Variants in FIGN observed in about 807,000 individuals in gnomAD.
FIGN encodes fidgetin.
A neutral mutation model predicts 51.3 loss-of-function variants in FIGN; 11 were observed. That is an observed-to-expected ratio of 0.21 (90% CI 0.13 to 0.35). The LOEUF (loss-of-function observed/expected upper bound fraction) is 0.35, where lower values mean the gene tolerates loss of function less well. Among genes scored for constraint, FIGN ranks in the 10% least tolerant of loss-of-function variants. The pLI is 1.00. For missense variants in FIGN, 857 were observed against 943.6 expected (o/e 0.91, Z 1.20); for synonymous variants, 407 against 363.2 (o/e 1.12, Z -1.37).
At chr2:163,652,898 A>C (rs1485692685) in intron 2 of FIGN, among the ~76,000 whole-genome samples, 1 of 152,166 alleles carries the variant, frequency 6.6e-6, no homozygotes, top group Non-Finnish European at 1.5e-5. Context: ...TGCATGCAGG[A>C]AATGACCAAT....
intron 1 of FIGN, 80 bp from the exon 2 acceptor site, chr2:163,735,152 A>G: frequency 1.9e-6 from 1 of 528,542 alleles, no homozygotes. Flanking sequence ...GAAAGGAAAA[A>G]AAGCACATGA....
chr2:163,701,855 A>T (rs2105351032), intron 2 of FIGN, among the ~76,000 whole-genome samples: 1 of 152,222 alleles, frequency 6.6e-6, no homozygotes, highest in Non-Finnish European at 1.5e-5. Flanking sequence ...ATTTCCTCAC[A>T]ATTCAGTATT....
intron 2 of FIGN, among the ~76,000 whole-genome samples, chr2:163,621,333 T>C (rs1003934924): frequency 1.2e-4 from 18 of 152,164 alleles, no homozygotes; most frequent in Admixed American, 7.2e-4. Context: ...AAATAGTGTC[T>C]TGGACTTCGA....
At chr2:163,673,877 G>A (rs1449808093) in intron 2 of FIGN, among the ~76,000 whole-genome samples, 2 of 152,024 alleles carry the variant, frequency 1.3e-5, no homozygotes, top group Non-Finnish European at 2.9e-5. Context: ...ATGTATTACA[G>A]GTAATATCTC....
At chr2:163,638,791 C>G (rs1210819179) in intron 2 of FIGN, among the ~76,000 whole-genome samples, 1 of 152,082 alleles carries the variant, frequency 6.6e-6, no homozygotes. Context: ...AATATTCATG[C>G]TTTTATCACT....
intron 2 of FIGN, among the ~76,000 whole-genome samples, chr2:163,702,686 A>T (rs1175900583): frequency 6.6e-6 from 1 of 152,190 alleles, no homozygotes; most frequent in Non-Finnish European, 1.5e-5. Context: ...AAAAGGAGTC[A>T]TTTAAATAAT....
chr2:163,719,497 C>T (rs779344936), intron 2 of FIGN, among the ~76,000 whole-genome samples: 6 of 152,134 alleles, frequency 3.9e-5, no homozygotes, highest in Non-Finnish European at 7.3e-5. Context: ...TGTGTGCCTG[C>T]GTTGTCCAAA....
chr2:163,664,177 A>G (rs2105329345), intron 2 of FIGN, among the ~76,000 whole-genome samples: 1 of 152,294 alleles, frequency 6.6e-6, no homozygotes, highest in South Asian at 2.1e-4. Flanking sequence ...ATGGATCCCC[A>G]GGAGTCTGTA....
intron 2 of FIGN, among the ~76,000 whole-genome samples, chr2:163,661,540 G>A (rs146178566): frequency 1.5e-4 from 23 of 152,224 alleles, no homozygotes; most frequent in African/African-American, 4.8e-4. Flanking sequence ...GGGATTAGAA[G>A]CACCCGCCAC....
At chr2:163,712,342 A>G (rs573197167) in intron 2 of FIGN, among the ~76,000 whole-genome samples, 2 of 152,270 alleles carry the variant, frequency 1.3e-5, no homozygotes, top group East Asian at 1.9e-4. Context: ...CTTTTAATCT[A>G]TTTTTTAATT....
At chr2:163,623,453 T>G (rs940715207) in intron 2 of FIGN, among the ~76,000 whole-genome samples, 2 of 152,182 alleles carry the variant, frequency 1.3e-5, no homozygotes, top group African/African-American at 2.4e-5. Context: ...TACCCATTTT[T>G]GGGAAGGTCT....
rs1684993196 is a variant in FIGN at position 163,735,023 on chromosome 2, A to G, written c.-96T>C. 1 of 1,283,982 alleles carries G rather than the reference A, an allele frequency of 7.8e-7. No homozygotes were observed. The highest frequency in any genetic ancestry group is 1.8e-5 in the Admixed American group (1 of 54,788). 79.5% of individuals were successfully genotyped at this position (1,283,982 alleles called of 1,614,324 possible). On this transcript the variant is annotated 5_prime_UTR_variant, in exon 2 of 3. Coordinates refer to ENST00000333129, the MANE Select transcript of FIGN (RefSeq NM_018086.4). The stretch of plus-strand genomic sequence containing the variant: ...AAAGCCACTTTTCCTCTCAGCTATC[A>G]AATGTCACTGCCTTGAAACGTGGGC...
At chr2:163,650,016 A>G (rs534641401) in intron 2 of FIGN, among the ~76,000 whole-genome samples, 1 of 152,302 alleles carries the variant, frequency 6.6e-6, no homozygotes, top group Admixed American at 6.5e-5. Context: ...CACAGCCTAG[A>G]TGCGCTCATC....
At chr2:163,721,140 C>T (rs941753667) in intron 2 of FIGN, among the ~76,000 whole-genome samples, 3 of 152,060 alleles carry the variant, frequency 2.0e-5, no homozygotes, top group African/African-American at 7.2e-5. Context: ...TTTTCTTCTA[C>T]CAGAAGGGTA....
At chr2:163,649,116 CT>C (rs1399616778) in intron 2 of FIGN, among the ~76,000 whole-genome samples, 1 of 152,106 alleles carries the variant, frequency 6.6e-6, no homozygotes, top group African/African-American at 2.4e-5. Flanking sequence ...TATTGAGTTT[CT>C]TGCATGCAAA....
chr2:163,643,058 C>T (rs1019369073), intron 2 of FIGN, among the ~76,000 whole-genome samples: 2 of 151,968 alleles, frequency 1.3e-5, no homozygotes, highest in Non-Finnish European at 2.9e-5. Context: ...TACGAAATTG[C>T]CAGGGCCCAA....
chr2:163,634,398 T>A (rs1322510696), intron 2 of FIGN, among the ~76,000 whole-genome samples: 2 of 152,122 alleles, frequency 1.3e-5, no homozygotes, highest in Admixed American at 1.3e-4. Context: ...AACTTAGACT[T>A]TCTCATACTT....
At chr2:163,679,244 A>C (rs1466212371) in intron 2 of FIGN, among the ~76,000 whole-genome samples, 1 of 152,110 alleles carries the variant, frequency 6.6e-6, no homozygotes, top group Non-Finnish European at 1.5e-5. Flanking sequence ...CTGTAATCCC[A>C]GCACTTTGGG....
At chr2:163,686,080 T>C (rs1190633538) in intron 2 of FIGN, among the ~76,000 whole-genome samples, 5 of 152,244 alleles carry the variant, frequency 3.3e-5, no homozygotes, top group African/African-American at 4.8e-5. Flanking sequence ...AAGGAGATTA[T>C]TGAAATAGTA....
Sources: gnomAD v4.1 joint callset for allele counts (sites outside exome capture counted in the v4.1 genomes callset) on GRCh38, gnomAD v4.1.1 for gene constraint, MANE v1.5 for transcripts, NCBI Gene and HGNC (gene_info 2026-07-23, HGNC 2026-07-21) for gene names.